Variants in PPHLN1 observed in about 807,000 individuals in gnomAD.
PPHLN1 encodes periphilin-1.
Under a neutral mutation model 51.3 loss-of-function variants are expected in PPHLN1, and 29 were observed. The observed-to-expected ratio is 0.57, with a 90% confidence interval of 0.42 to 0.77. PPHLN1 has a LOEUF of 0.77. Ranked by LOEUF, PPHLN1 falls within the 30% of genes least tolerant of loss-of-function variation. The probability of loss-of-function intolerance (pLI) is 0.00; values close to 1 mark genes in which losing one functional copy is unlikely to be tolerated. For synonymous variants in PPHLN1, 147 were observed against 147.8 expected, an observed-to-expected ratio of 0.99 and a Z score of 0.04; for missense variants, 436 against 438.4, an observed-to-expected ratio of 0.99 and a Z score of 0.05.
intron 9 of PPHLN1, among the ~76,000 whole-genome samples, chr12:42,428,654 C>T (rs771455558): frequency 6.6e-6 from 1 of 152,028 alleles, no homozygotes; most frequent in Non-Finnish European, 1.5e-5. Flanking sequence ...AAAAAGACCA[C>T]ATATTGGGTG....
chr12:42,337,751 T>TTTTTA (rs567793160), intron 2 of PPHLN1, among the ~76,000 whole-genome samples: 15,000 of 142,280 alleles, frequency 0.11, 1,043 homozygotes, highest in African/African-American at 0.17. Flanking sequence ...TACCTGGCTA[T>TTTTTA]TTTTATTTTA....
chr12:42,406,175 C>G (rs1156404296), intron 9 of PPHLN1, among the ~76,000 whole-genome samples: 1 of 150,648 alleles, frequency 6.6e-6, no homozygotes, highest in Non-Finnish European at 1.5e-5. Flanking sequence ...ACTCCACCTT[C>G]CGGGTTCATG....
intron 8 of PPHLN1, among the ~76,000 whole-genome samples, chr12:42,394,521 A>G (rs117533348): frequency 0.03 from 4,599 of 152,272 alleles, 91 homozygotes; most frequent in Non-Finnish European, 0.043. Context: ...CTACATCTTT[A>G]TACAGTGAAA....
intron 9 of PPHLN1, among the ~76,000 whole-genome samples, chr12:42,424,387 T>G (rs2081252315): frequency 6.6e-6 from 1 of 152,222 alleles, no homozygotes. Context: ...ATAATTTCCC[T>G]TTCTTCCCTT....
intron 4 of PPHLN1, among the ~76,000 whole-genome samples, chr12:42,369,676 AT>A (rs1314693246): frequency 6.6e-6 from 1 of 152,224 alleles, no homozygotes; most frequent in African/African-American, 2.4e-5. Flanking sequence ...GGTCAAGGTC[AT>A]CCAGTTGTTA....
intron 4 of PPHLN1, 162 bp from the exon 5 acceptor site, chr12:42,374,701 G>A (rs956905868): frequency 3.3e-5 from 17 of 515,928 alleles, no homozygotes; most frequent in Admixed American, 2.9e-4. Flanking sequence ...TGATCTGCCC[G>A]TCTCGGCCTC....
intron 1 of PPHLN1, among the ~76,000 whole-genome samples, chr12:42,326,642 T>G (rs1045216342): frequency 6.6e-6 from 1 of 151,854 alleles, no homozygotes; most frequent in Non-Finnish European, 1.5e-5. Context: ...GGAGACGAGG[T>G]CAACTTGGGG....
At chr12:42,384,564 T>C (rs2077032897) in intron 5 of PPHLN1, among the ~76,000 whole-genome samples, 1 of 152,202 alleles carries the variant, frequency 6.6e-6, no homozygotes. Flanking sequence ...AGTGTCAGCT[T>C]TATGGATGGA....
intron 1 of PPHLN1, among the ~76,000 whole-genome samples, chr12:42,334,107 C>G (rs1262178618): frequency 3.3e-5 from 5 of 152,044 alleles, no homozygotes; most frequent in Non-Finnish European, 7.4e-5. Context: ...AGACTGAAAC[C>G]TTTAGTGGAT....
At chr12:42,328,470 C>T (rs866694704) in intron 1 of PPHLN1, among the ~76,000 whole-genome samples, 59 of 152,152 alleles carry the variant, frequency 3.9e-4, no homozygotes, top group African/African-American at 1.2e-3. Flanking sequence ...GGAGGCTGAC[C>T]GGTTAAGGCC....
chr12:42,339,639 A>G (rs769244804), intron 2 of PPHLN1, among the ~76,000 whole-genome samples: 2 of 152,224 alleles, frequency 1.3e-5, no homozygotes, highest in Non-Finnish European at 1.5e-5. Flanking sequence ...GTGCACTTAC[A>G]TTTGAGAATG....
intron 2 of PPHLN1, among the ~76,000 whole-genome samples, chr12:42,341,754 T>TG (rs1214521887): frequency 6.6e-6 from 1 of 152,114 alleles, no homozygotes; most frequent in Non-Finnish European, 1.5e-5. Flanking sequence ...CCCGAGTAGC[T>TG]GGGACTATAG....
chr12:42,346,839 G>A (rs945560063), intron 2 of PPHLN1, among the ~76,000 whole-genome samples: 1 of 152,046 alleles, frequency 6.6e-6, no homozygotes. Flanking sequence ...TTTTCCCTGT[G>A]GTTAGTGATG....
At chr12:42,329,195 G>A (rs527534147) in intron 1 of PPHLN1, among the ~76,000 whole-genome samples, 5 of 151,100 alleles carry the variant, frequency 3.3e-5, no homozygotes, top group South Asian at 4.2e-4. Flanking sequence ...TCCCCCTCCC[G>A]GGTTCATGCC....
At chr12:42,405,389 A>G (rs932851259) in intron 9 of PPHLN1, among the ~76,000 whole-genome samples, 1 of 152,224 alleles carries the variant, frequency 6.6e-6, no homozygotes, top group Non-Finnish European at 1.5e-5. Flanking sequence ...AGTGTGAGTT[A>G]ATTGATATTC....
In PPHLN1 at chr12:42,431,935, C is replaced by T. The variant is rs1026765580; in HGVS notation, c.910-9380C>T. 23 of 1,522,496 alleles carry T rather than the reference C, an allele frequency of 1.5e-5. No homozygotes were observed. The Admixed American group carries it at 2.2e-4, about 14-fold the overall frequency. The allele number at this position is 1,522,496 out of a possible 1,614,324, so 94.3% of individuals were successfully genotyped here. A position where few individuals can be genotyped will look rare whatever the true frequency, so the allele number is the denominator to read the frequency against. ...CCTTCGTCTACGAGACCTCGTATGA[C>T]GATTAGTACTGTGATGAGATTTGCT... On this transcript the variant is annotated intron_variant, in intron 9 of 9. Transcript: ENST00000358314.
At chr12:42,329,606 T>C (rs1280693441) in intron 1 of PPHLN1, among the ~76,000 whole-genome samples, 2 of 152,106 alleles carry the variant, frequency 1.3e-5, no homozygotes, top group Non-Finnish European at 2.9e-5. Context: ...CTACTAGAAA[T>C]ACTACTAGTA....
At chr12:42,333,466 AT>A (rs1288433522) in intron 1 of PPHLN1, among the ~76,000 whole-genome samples, 2 of 151,060 alleles carry the variant, frequency 1.3e-5, no homozygotes, top group Non-Finnish European at 3.0e-5. Flanking sequence ...CCTTTTTTTT[AT>A]TTTTTATTTT....
intron 4 of PPHLN1, chr12:42,374,606 A>ATT: frequency 1.3e-5 from 3 of 234,438 alleles, no homozygotes; most frequent in South Asian, 4.1e-5. Context: ...ACGCCCAGCT[A>ATT]ATTTTTTTTT....
Sources: gnomAD v4.1 joint callset for allele counts (sites outside exome capture counted in the v4.1 genomes callset) on GRCh38, gnomAD v4.1.1 for gene constraint, MANE v1.5 for transcripts, NCBI Gene and HGNC (gene_info 2026-07-23, HGNC 2026-07-21) for gene names.